Variants in KCNIP4 observed in about 807,000 individuals in gnomAD.
KCNIP4 encodes potassium voltage-gated channel interacting protein 4.
Under a neutral mutation model 34.0 loss-of-function variants are expected in KCNIP4, and 12 were observed. The observed-to-expected ratio is 0.35, with a 90% confidence interval of 0.23 to 0.57. The LOEUF is 0.57. KCNIP4 is among the 20% of genes least tolerant of loss of function. The pLI is 0.83. For synonymous variants in KCNIP4, 124 were observed against 102.2 expected (o/e 1.21, Z -1.29); for missense variants, 238 against 311.7 (o/e 0.76, Z 1.78).
At position 20,730,056 on chromosome 4, in the gene KCNIP4, G is replaced by T. The variant is rs377682600; in HGVS notation, c.*26C>A. The T allele has an allele frequency of 6.2e-6, 10 of 1,600,936 alleles. No homozygotes were observed. The highest frequency in any genetic ancestry group is 1.3e-5 in the African/African-American group (1 of 74,242). On this transcript the variant is annotated 3_prime_UTR_variant, in exon 9 of 9. Transcript: ENST00000382152. ...GTGGTAGAATAGTTCACATTTGTCTGTTGGATTCAGGATCTATTTGACAAG... is the reference window on the plus strand; with the variant it reads ...GTGGTAGAATAGTTCACATTTGTCTTTTGGATTCAGGATCTATTTGACAAG...
chr4:20,857,720 A>G (rs549464465), intron 2 of KCNIP4, among the ~76,000 whole-genome samples: 32 of 150,572 alleles, frequency 2.1e-4, no homozygotes, highest in Non-Finnish European at 4.1e-4. Context: ...TGATACAAAT[A>G]ATGATAACCT....
At chr4:20,962,415 A>G (rs555706593) in intron 1 of KCNIP4, among the ~76,000 whole-genome samples, 1 of 152,318 alleles carries the variant, frequency 6.6e-6, no homozygotes, top group East Asian at 1.9e-4. Flanking sequence ...TCATTAACAG[A>G]GACCTTTTCT....
chr4:21,245,478 A>C (rs970613826), intron 1 of KCNIP4, among the ~76,000 whole-genome samples: 9 of 152,116 alleles, frequency 5.9e-5, no homozygotes, highest in Non-Finnish European at 1.0e-4. Flanking sequence ...TTTTACTCAA[A>C]CTTTTGTATT....
intron 1 of KCNIP4, among the ~76,000 whole-genome samples, chr4:21,023,751 G>A (rs1363571120): frequency 6.6e-6 from 1 of 152,068 alleles, no homozygotes; most frequent in Non-Finnish European, 1.5e-5. Context: ...GCATGGTGGT[G>A]CACGCCTGTA....
intron 1 of KCNIP4, among the ~76,000 whole-genome samples, chr4:21,045,537 G>A (rs9995953): frequency 0.028 from 4,202 of 152,184 alleles, 167 homozygotes; most frequent in African/African-American, 0.095. Context: ...CACCCAATTA[G>A]AAAGAGTCAA....
rs116143793 is a variant in KCNIP4 at position 21,696,202 on chromosome 4, C to T, written c.61+252369G>A. On this transcript the variant is annotated intron_variant, in intron 1 of 8. Transcript: ENST00000382152. ...TCTAAAATCATTTGATTGTCAGTTA[C>T]TCTCTTAAAATGGTTTTCCCTTATT... 7.4e-3 allele frequency among the ~76,000 whole-genome samples: 1,120 copies of T among 152,210 alleles called. 9 individuals carry two copies. Among genetic ancestry groups the T allele is most frequent in the African/African-American group, 0.024 (1,009 of 41,562 alleles).
chr4:21,469,788 C>T (rs1730305412), intron 1 of KCNIP4, among the ~76,000 whole-genome samples: 2 of 151,996 alleles, frequency 1.3e-5, no homozygotes, highest in African/African-American at 4.8e-5. Context: ...TCAAAGTGTA[C>T]ATGTGATAAT....
chr4:21,697,534 G>C, intron 1 of KCNIP4: 3 of 1,452,988 alleles, frequency 2.1e-6, no homozygotes, highest in Non-Finnish European at 2.7e-6. Context: ...AGAAACTTCT[G>C]TCTCAGTTTA....
At chr4:20,962,194 C>T (rs75892593) in intron 1 of KCNIP4, among the ~76,000 whole-genome samples, 2,900 of 152,264 alleles carry the variant, frequency 0.019, 96 homozygotes, top group African/African-American at 0.067. Flanking sequence ...GCTTCCAAGC[C>T]TAAGTGTCCC....
chr4:21,107,029 A>G (rs1282820824), intron 1 of KCNIP4, among the ~76,000 whole-genome samples: 2 of 148,484 alleles, frequency 1.3e-5, no homozygotes, highest in East Asian at 1.9e-4. Context: ...TATGTGGTCA[A>G]TTTTGGAATA....
At chr4:21,821,935 T>A (rs1017870028) in intron 1 of KCNIP4, among the ~76,000 whole-genome samples, 1 of 152,192 alleles carries the variant, frequency 6.6e-6, no homozygotes, top group Admixed American at 6.5e-5. Context: ...ATTTTTACAA[T>A]GCTTTTCCAT....
At chr4:21,121,761 G>T (rs2109137022) in intron 1 of KCNIP4, among the ~76,000 whole-genome samples, 1 of 152,306 alleles carries the variant, frequency 6.6e-6, no homozygotes, top group East Asian at 1.9e-4. Flanking sequence ...GGTTAATTAT[G>T]CAGGTAGATT....
intron 1 of KCNIP4, among the ~76,000 whole-genome samples, chr4:21,918,466 G>T (rs1365498290): frequency 6.6e-6 from 1 of 152,118 alleles, no homozygotes; most frequent in Non-Finnish European, 1.5e-5. Flanking sequence ...TTTGCTGAGT[G>T]GAGTTAGTGG....
chr4:21,057,417 CT>C lies in KCNIP4; in HGVS notation c.62-174709del, dbSNP rs202081343. Among the ~76,000 whole-genome samples the C allele has an allele frequency of 5.4e-3, 824 of 152,198 alleles. 4 individuals are homozygous for C. Among genetic ancestry groups the C allele is most frequent in the African/African-American group, 0.017 (719 of 41,544 alleles). ...ACAGTTCAGCATTTATGAAGGAAACCTTTGTTAGCCTAAAATGTAGCTGTAA... is the reference window on the plus strand; with the variant it reads ...ACAGTTCAGCATTTATGAAGGAAACCTTGTTAGCCTAAAATGTAGCTGTAA... On this transcript the variant is annotated intron_variant, in intron 1 of 8. Transcript: ENST00000382152.
At chr4:21,937,274 T>A (rs1729911004) in intron 1 of KCNIP4, among the ~76,000 whole-genome samples, 2 of 152,176 alleles carry the variant, frequency 1.3e-5, no homozygotes, top group Middle Eastern at 3.4e-3. Flanking sequence ...AACCTGTTCC[T>A]CCGCCTATAT....
chr4:21,106,641 G>A (rs1009826481), intron 1 of KCNIP4, among the ~76,000 whole-genome samples: 18 of 151,284 alleles, frequency 1.2e-4, no homozygotes, highest in East Asian at 7.8e-4. Flanking sequence ...TTCTGCTAGC[G>A]TTTGAATGTG....
At chr4:20,938,821 A>G (rs1731346720) in intron 1 of KCNIP4, among the ~76,000 whole-genome samples, 1 of 152,208 alleles carries the variant, frequency 6.6e-6, no homozygotes, top group Non-Finnish European at 1.5e-5. Flanking sequence ...TCCCAAATAA[A>G]AGACACACAT....
chr4:21,048,333 G>A (rs1201350032), intron 1 of KCNIP4, among the ~76,000 whole-genome samples: 2 of 152,164 alleles, frequency 1.3e-5, no homozygotes, highest in Non-Finnish European at 2.9e-5. Flanking sequence ...AGATGGAAGA[G>A]GCTGTTCACT....
chr4:21,110,562 T>C (rs1366200867), intron 1 of KCNIP4, among the ~76,000 whole-genome samples: 1 of 152,266 alleles, frequency 6.6e-6, no homozygotes, highest in South Asian at 2.1e-4. Context: ...TAATTTTGTT[T>C]ATATTTCATT....
Sources: allele counts gnomAD v4.1 joint callset (sites outside exome capture counted in the v4.1 genomes callset), GRCh38; gene constraint gnomAD v4.1.1; transcripts MANE v1.5; gene names NCBI Gene and HGNC (gene_info 2026-07-23, HGNC 2026-07-21).